MCPH1: variants seen among roughly 807,000 people sequenced by gnomAD.
MCPH1 encodes the protein microcephalin 1.
Under a neutral mutation model 84.5 loss-of-function variants are expected in MCPH1, and 104 were observed. The ratio of observed to expected loss-of-function variants is 1.23; its 90% CI spans 1.05 to 1.45. The LOEUF (loss-of-function observed/expected upper bound fraction) is 1.45. MCPH1 is among the 40% of genes most tolerant of loss of function. The probability of loss-of-function intolerance (pLI) is 0.00; values close to 1 mark genes in which losing one functional copy is unlikely to be tolerated. For missense variants in MCPH1, 1,498 were observed against 1,005.7 expected, an observed-to-expected ratio of 1.49 and a Z score of -6.62; for synonymous variants, 514 against 366.8, an observed-to-expected ratio of 1.40 and a Z score of -4.58.
intron 4 of MCPH1, among the ~76,000 whole-genome samples, chr8:6,434,667 C>G (rs1217666018): frequency 6.6e-6 from 1 of 152,176 alleles, no homozygotes; most frequent in Non-Finnish European, 1.5e-5. Flanking sequence ...GAATAACTAA[C>G]AGAGCAAGAT....
intron 13 of MCPH1, chr8:6,625,367 C>A (rs1001809628): frequency 1.0e-6 from 1 of 985,414 alleles, no homozygotes; most frequent in Non-Finnish European, 1.2e-6. Context: ...CCTGCCCCTT[C>A]GACAAAGCAC....
chr8:6,610,019 A>T lies in MCPH1; in HGVS notation c.2215-11435A>T, dbSNP rs542166985. ...AAGCAAGGCCGATTATATAAACGAT[A>T]CTCCCAGGCCTGACAACACATGGTT... On this transcript the variant is annotated intron_variant, in intron 12 of 13. Transcript: ENST00000344683. 1.1e-4 allele frequency among the ~76,000 whole-genome samples: 16 copies of T among 152,042 alleles called. No homozygotes were observed. In the South Asian group the frequency reaches 3.1e-3, roughly 30 times the overall value.
At chr8:6,570,649 A>T (rs981707411) in intron 12 of MCPH1, among the ~76,000 whole-genome samples, 1 of 152,192 alleles carries the variant, frequency 6.6e-6, no homozygotes, top group Non-Finnish European at 1.5e-5. Context: ...ATCACAGTTA[A>T]TAGGAGAAAA....
chr8:6,441,367 T>C (rs1803484719), intron 6 of MCPH1, among the ~76,000 whole-genome samples: 2 of 150,700 alleles, frequency 1.3e-5, no homozygotes, highest in Non-Finnish European at 3.0e-5. Flanking sequence ...AAATTTTATG[T>C]GTGCTTCCCT....
At chr8:6,583,241 G>A (rs1240711266) in intron 12 of MCPH1, among the ~76,000 whole-genome samples, 1 of 151,250 alleles carries the variant, frequency 6.6e-6, no homozygotes, top group Non-Finnish European at 1.5e-5. Context: ...TTTGCTTTAT[G>A]CTTGATTTTT....
At chr8:6,577,614 G>A (rs1490634794) in intron 12 of MCPH1, among the ~76,000 whole-genome samples, 1 of 152,230 alleles carries the variant, frequency 6.6e-6, no homozygotes, top group Admixed American at 6.5e-5. Context: ...TATCTTGCAT[G>A]AAGCTAAATC....
intron 11 of MCPH1, among the ~76,000 whole-genome samples, chr8:6,498,720 G>T (rs949462884): frequency 7.2e-5 from 11 of 152,128 alleles, no homozygotes; most frequent in Non-Finnish European, 1.3e-4. Flanking sequence ...AAATGAACTT[G>T]ATTTTAACCT....
At chr8:6,474,445 G>T (rs572289860) in intron 9 of MCPH1, among the ~76,000 whole-genome samples, 1 of 151,900 alleles carries the variant, frequency 6.6e-6, no homozygotes, top group Admixed American at 6.6e-5. Flanking sequence ...AACATGCAAT[G>T]GGTTCACCTT....
At chr8:6,565,844 G>A (rs1465078742) in intron 12 of MCPH1, among the ~76,000 whole-genome samples, 4 of 152,204 alleles carry the variant, frequency 2.6e-5, no homozygotes, top group East Asian at 1.9e-4. Flanking sequence ...AATATGCCAT[G>A]TGCAGCTGGC....
chr8:6,574,487 T>G (rs954109027), intron 12 of MCPH1, among the ~76,000 whole-genome samples: 1 of 152,220 alleles, frequency 6.6e-6, no homozygotes, highest in African/African-American at 2.4e-5. Context: ...TGCTGTGGCT[T>G]AGGACTTACA....
chr8:6,514,723 T>C, intron 12 of MCPH1: 1 of 1,614,142 alleles, frequency 6.2e-7, no homozygotes, highest in Non-Finnish European at 8.5e-7. Context: ...GCTGCCATCC[T>C]CACGTCGCTG....
intron 2 of MCPH1, among the ~76,000 whole-genome samples, chr8:6,414,234 C>T (rs537053392): frequency 4.1e-4 from 63 of 152,266 alleles, no homozygotes; most frequent in African/African-American, 1.4e-3. Flanking sequence ...TCTCAAACTG[C>T]TGACCTCAGG....
intron 9 of MCPH1, among the ~76,000 whole-genome samples, chr8:6,476,040 C>G (rs1415910869): frequency 6.6e-6 from 1 of 152,102 alleles, no homozygotes; most frequent in Non-Finnish European, 1.5e-5. Flanking sequence ...AAATAGATGC[C>G]AAGGCTATAT....
intron 12 of MCPH1, among the ~76,000 whole-genome samples, chr8:6,522,110 C>G (rs535292566): frequency 1.3e-4 from 20 of 152,308 alleles, no homozygotes; most frequent in African/African-American, 4.8e-4. Flanking sequence ...AATCCCAGCA[C>G]TTTGGGAGGC....
intron 12 of MCPH1, among the ~76,000 whole-genome samples, chr8:6,542,763 G>A (rs184835557): frequency 1.3e-5 from 2 of 152,294 alleles, no homozygotes; most frequent in Admixed American, 1.3e-4. Context: ...GGAGCTCTGT[G>A]GAGGAGGTAG....
At chr8:6,600,540 G>T (rs2129578183) in intron 12 of MCPH1, among the ~76,000 whole-genome samples, 1 of 152,372 alleles carries the variant, frequency 6.6e-6, no homozygotes, top group East Asian at 1.9e-4. Flanking sequence ...AGTGTCTCTA[G>T]CATACCTCTG....
rs1798236917 is a variant in MCPH1, at chr8:6,646,802, G to C, written c.*3753G>C. 6.6e-6 allele frequency: 1 copy of C among 152,170 alleles called. No homozygotes were observed. The highest frequency in any genetic ancestry group is 2.4e-5 in the African/African-American group (1 of 41,430). 9.4% of individuals were successfully genotyped at this position (152,170 alleles called of 1,614,324 possible). On this transcript the variant is annotated 3_prime_UTR_variant, in exon 14 of 14. Coordinates refer to ENST00000344683, the MANE Select transcript of MCPH1 (RefSeq NM_024596.5). ...CAGATATTCCCAAATGTGCCCTGGA[G>C]AGCAAAACTGTTTCCAGTTGAGAAC...
chr8:6,408,373 TA>T (rs753854817), intron 1 of MCPH1, among the ~76,000 whole-genome samples: 1 of 152,050 alleles, frequency 6.6e-6, no homozygotes, highest in Non-Finnish European at 1.5e-5. Flanking sequence ...CGGTTATTTT[TA>T]TTTTTATTTT....
rs1586026286 is a variant in MCPH1, at chr8:6,480,884, C to T, written c.2136+8C>T. The T allele has an allele frequency of 3.7e-6, 6 of 1,613,672 alleles. No individual in the cohort carries two copies. The highest frequency in any genetic ancestry group is 5.1e-6 in the Non-Finnish European group (6 of 1,180,030). On this transcript the variant is annotated splice_region_variant and intron_variant, in intron 11 of 13. Coordinates refer to ENST00000344683, the MANE Select transcript of MCPH1 (RefSeq NM_024596.5). Reference sequence around the variant, plus strand: ...GTTCTCTCTTATGATTGGGTAAGCCCTGTGTGTGAACTGCGTATTTTAAAA... The same window carrying T: ...GTTCTCTCTTATGATTGGGTAAGCCTTGTGTGTGAACTGCGTATTTTAAAA...
Sources: allele counts gnomAD v4.1 joint callset (sites outside exome capture counted in the v4.1 genomes callset), GRCh38; gene constraint gnomAD v4.1.1; transcripts MANE v1.5; gene names NCBI Gene and HGNC (gene_info 2026-07-23, HGNC 2026-07-21).